The following ZMIZ2 variants were observed in gnomAD, a reference collection of about 807,000 sequenced individuals.
ZMIZ2 encodes zinc finger MIZ-type containing 2.
ZMIZ2 carries 26 observed loss-of-function variants against 93.9 expected under a neutral mutation model. The ratio of observed to expected loss-of-function variants is 0.28; its 90% CI spans 0.20 to 0.38. The LOEUF is 0.38. ZMIZ2 is among the 10% of genes least tolerant of loss of function. ZMIZ2 has a pLI of 1.00. For synonymous variants in ZMIZ2, 485 were observed against 516.4 expected (o/e 0.94, Z 0.82); for missense variants, 1,023 against 1,235.0 (o/e 0.83, Z 2.57).
Position 44,766,261 on chromosome 7 carries a change from C to A in ZMIZ2, c.2340C>A (p.Pro780=), listed in dbSNP as rs567025862. 1.2e-6 allele frequency: 2 copies of A among 1,600,030 alleles called. No homozygotes were observed. Among genetic ancestry groups the A allele is most frequent in the South Asian group, 2.3e-5 (2 of 88,660 alleles). Reference sequence around the variant, plus strand: ...CTGAGTTCACCCCGGGACCACCCCCCATCTCCTACCAGTCTGACATTCCCA... The same window carrying A: ...CTGAGTTCACCCCGGGACCACCCCCAATCTCCTACCAGTCTGACATTCCCA... The part of the protein sequence containing the change: ...TLAEFTPGPP[P]ISYQSDIPSS... The change falls in exon 17 of 19, where the codon CCC becomes CCA. Residue 780 remains proline (P), a synonymous_variant. Coordinates refer to ENST00000309315, the MANE Select transcript of ZMIZ2 (RefSeq NM_031449.4). The surrounding 1 kb of genome is among the most constrained non-coding windows in gnomAD (Gnocchi z 4.4).
chr7:44,759,186 C>T, intron 6 of ZMIZ2, 95 bp from the exon 7 acceptor site: 4 of 1,215,008 alleles, frequency 3.3e-6, no homozygotes, highest in Non-Finnish European at 4.4e-6. Context: ...AATCTCCATT[C>T]CCCGAACCCT....
At chr7:44,756,890 G>A in intron 3 of ZMIZ2, 57 bp from the exon 4 acceptor site, 1 of 1,601,958 alleles carries the variant, frequency 6.2e-7, no homozygotes, top group Admixed American at 1.8e-5. Context: ...CTTTGGAGCT[G>A]CTGCATGAAG....
In ZMIZ2 at chr7:44,761,245, A is replaced by C. The variant is rs975515533; in HGVS notation, c.1241-204A>C. Among the ~76,000 whole-genome samples the C allele has an allele frequency of 2.0e-5, 3 of 152,208 alleles. No individual in the cohort carries two copies. The highest frequency in any genetic ancestry group is 2.9e-5 in the Non-Finnish European group (2 of 68,028). On this transcript the variant is annotated intron_variant, in intron 9 of 18. Coordinates refer to ENST00000309315, the MANE Select transcript of ZMIZ2 (RefSeq NM_031449.4). This position sits in a 1 kb window ranked among gnomAD's most constrained non-coding sequence, Gnocchi z 5.8. ...GAGGCAAGACAGAACATCACGACCG[A>C]ATGCCCAGGCCTCAGGAGAGATGCT...
intron 8 of ZMIZ2, 70 bp from the exon 9 acceptor site, chr7:44,760,355 G>A (rs866321049): frequency 3.2e-6 from 5 of 1,584,580 alleles, no homozygotes; most frequent in Non-Finnish European, 3.4e-6. Context: ...CCCAGTGGGT[G>A]CGCCGTGAAC....
chr7:44,751,173 G>T (rs1790111830), intron 1 of ZMIZ2: 1 of 152,316 alleles, frequency 6.6e-6, no homozygotes, highest in African/African-American at 2.4e-5. Context: ...CCAGGCTCAT[G>T]TGACATAGGA....
intron 7 of ZMIZ2, chr7:44,759,806 G>A (rs1473399188): frequency 4.5e-6 from 2 of 445,572 alleles, no homozygotes; most frequent in Non-Finnish European, 8.0e-6. Context: ...TCTACTTGCT[G>A]CAGAGAAATC....
In ZMIZ2 at chr7:44,763,760, A is replaced by C. The variant is rs1261198438; in HGVS notation, c.1860+347A>C. ...TGCAGAAATACTCTGGGTATGAACA[A>C]GTAGATGCACAGCCCACTGTCTCTG... is the stretch of plus-strand genomic sequence containing the variant. On this transcript the variant is annotated intron_variant, in intron 13 of 18. Transcript: ENST00000309315. This position sits in a 1 kb window ranked among gnomAD's most constrained non-coding sequence, Gnocchi z 5.6. The C allele has an allele frequency of 3.7e-6, 1 of 267,152 alleles. No homozygotes were observed. The highest frequency in any genetic ancestry group is 4.9e-5 in the Admixed American group (1 of 20,512). The allele number at this position is 267,152 out of a possible 1,614,324, so 16.5% of individuals were successfully genotyped here. A position where few individuals can be genotyped will look rare whatever the true frequency, so the allele number is the denominator to read the frequency against.
rs761830985 is a variant in ZMIZ2 at position 44,760,565 on chromosome 7, C to T, written c.1212C>T (p.Asn404=). 1.4e-5 allele frequency: 22 copies of T among 1,613,984 alleles called. No individual in the cohort carries two copies. Among genetic ancestry groups the T allele is most frequent in the Non-Finnish European group, 1.8e-5 (21 of 1,180,010 alleles). ...KSPFLPDLKP[N]LNSLHSSPSG... Reference sequence around the variant, plus strand: ...CCTTCTTGCCTGATCTCAAGCCCAACCTCAACTCCTTGCACTCATCGCCCT... The same window carrying T: ...CCTTCTTGCCTGATCTCAAGCCCAATCTCAACTCCTTGCACTCATCGCCCT... Residue 404 remains asparagine (N), a synonymous_variant, in exon 9 of 19, where the codon AAC becomes AAT. Coordinates refer to ENST00000309315, the MANE Select transcript of ZMIZ2 (RefSeq NM_031449.4).
In ZMIZ2 at chr7:44,761,179, T is replaced by A. The variant is rs1791137213; in HGVS notation, c.1241-270T>A. ...TGTCTGGGCTGGGGACATGTTCCCC[T>A]ATTATGGTTTAGGGGACACTGGGCT... is the stretch of plus-strand genomic sequence containing the variant. On this transcript the variant is annotated intron_variant, in intron 9 of 18. Coordinates refer to ENST00000309315, the MANE Select transcript of ZMIZ2 (RefSeq NM_031449.4). This position sits in a 1 kb window ranked among gnomAD's most constrained non-coding sequence, Gnocchi z 5.8. Among the ~76,000 whole-genome samples, 1 of 152,214 alleles carries A rather than the reference T, an allele frequency of 6.6e-6. No homozygotes were observed. The highest frequency in any genetic ancestry group is 2.4e-5 in the African/African-American group (1 of 41,460).
chr7:44,763,112 G>A lies in ZMIZ2; in HGVS notation c.1702+126G>A. 7.0e-7 allele frequency: 1 copy of A among 1,429,532 alleles called. No homozygotes were observed. Among genetic ancestry groups the A allele is most frequent in the South Asian group, 1.3e-5 (1 of 78,436 alleles). 88.6% of individuals were successfully genotyped at this position (1,429,532 alleles called of 1,614,324 possible). ...GCCTTCTCCTTGGACAGGTGGCTCT[G>A]CAGTAGGGGCAGTGGTTAGTTCCAG... is the stretch of plus-strand genomic sequence containing the variant. On this transcript the variant is annotated intron_variant, in intron 12 of 18. Coordinates refer to ENST00000309315, the MANE Select transcript of ZMIZ2 (RefSeq NM_031449.4). This position sits in a 1 kb window ranked among gnomAD's most constrained non-coding sequence, Gnocchi z 5.6.
intron 6 of ZMIZ2, among the ~76,000 whole-genome samples, chr7:44,759,073 C>T (rs1169353684): frequency 7.9e-6 from 1 of 126,358 alleles, no homozygotes; most frequent in African/African-American, 3.2e-5. Context: ...CAGAGTGAGA[C>T]TGTCTCAAAT....
In ZMIZ2 at chr7:44,761,495, T is replaced by C. The variant is rs1329405799; in HGVS notation, c.1287T>C (p.Asp429=). 3 of 1,614,042 alleles carry C rather than the reference T, an allele frequency of 1.9e-6. No homozygotes were observed. Among genetic ancestry groups the C allele is most frequent in the Admixed American group, 3.3e-5 (2 of 60,028 alleles). The part of the protein sequence containing the change: ...DELRLTFPVR[D]GVVLEPFRLQ... ...TGCGGCTGACCTTCCCTGTGCGCGA[T>C]GGGGTGGTCCTGGAGCCCTTCCGCC... Residue 429 remains aspartate (D), a synonymous_variant, in exon 10 of 19, where the codon GAT becomes GAC. Coordinates refer to ENST00000309315, the MANE Select transcript of ZMIZ2 (RefSeq NM_031449.4). This position sits in a 1 kb window ranked among gnomAD's most constrained non-coding sequence, Gnocchi z 5.8.
chr7:44,769,384 G>A lies in ZMIZ2; in HGVS notation c.*1761G>A, dbSNP rs1791987842. ...AGGAGGAGGGAGGTATCTGGTGTGAGCGTTGCCCCTGCGACATTTGGGACC... is the reference window on the plus strand; with the variant it reads ...AGGAGGAGGGAGGTATCTGGTGTGAACGTTGCCCCTGCGACATTTGGGACC... On this transcript the variant is annotated 3_prime_UTR_variant, in exon 19 of 19. Transcript: ENST00000309315. 6.5e-6 allele frequency: 1 copy of A among 152,836 alleles called. No individual in the cohort carries two copies. The highest frequency in any genetic ancestry group is 6.5e-5 in the Admixed American group (1 of 15,286). 9.5% of individuals were successfully genotyped at this position (152,836 alleles called of 1,614,324 possible).
At position 44,758,017 on chromosome 7, in the gene ZMIZ2, A is replaced by G. The variant is rs1177879851; in HGVS notation, c.722A>G (p.Tyr241Cys). 3 of 1,611,826 alleles carry G rather than the reference A, an allele frequency of 1.9e-6. No individual in the cohort carries two copies. ...PTRAAGMTPL[Y>C]AGQRLPQHGY... is the part of the protein sequence containing the mutation. ...CGGGCAGCAGGAATGACACCCTTGTATGCAGGGCAGCGTCTGCCCCAACAT... is the reference window on the plus strand; with the variant it reads ...CGGGCAGCAGGAATGACACCCTTGTGTGCAGGGCAGCGTCTGCCCCAACAT... Residue 241 changes from tyrosine (Y) to cysteine (C), a missense_variant, in exon 6 of 19, where the codon TAT (tyrosine) becomes TGT (cysteine). Physicochemically the swap from Tyr to Cys is radical, Grantham distance 194. This residue lies in a region of ZMIZ2 where 656 missense variants were observed against 777.1 expected (regional missense o/e 0.84). Coordinates refer to ENST00000309315, the MANE Select transcript of ZMIZ2 (RefSeq NM_031449.4).
intron 1 of ZMIZ2, among the ~76,000 whole-genome samples, chr7:44,751,288 G>C (rs1434057485): frequency 6.6e-6 from 1 of 152,228 alleles, no homozygotes; most frequent in Non-Finnish European, 1.5e-5. Flanking sequence ...TCCTGGACCA[G>C]CAGCAGCAGT....
chr7:44,756,875 T>C, intron 3 of ZMIZ2, 72 bp from the exon 4 acceptor site: 1 of 1,585,706 alleles, frequency 6.3e-7, no homozygotes, highest in East Asian at 2.2e-5. Context: ...TGTTGGTTTC[T>C]AGCACTTTGG....
At chr7:44,756,167 C>T (rs1221169125) in intron 1 of ZMIZ2, 21 bp from the exon 2 acceptor site, 11 of 1,596,844 alleles carry the variant, frequency 6.9e-6, no homozygotes, top group Non-Finnish European at 8.6e-6. Flanking sequence ...CAGCTAACAT[C>T]CCTTCCTTCC....
chr7:44,761,931 G>C lies in ZMIZ2; in HGVS notation c.1596+26G>C, dbSNP rs1308795859. The C allele has an allele frequency of 1.3e-6, 2 of 1,594,566 alleles. No homozygotes were observed. The highest frequency in any genetic ancestry group is 4.5e-5 in the East Asian group (2 of 44,478). On this transcript the variant is annotated intron_variant, in intron 11 of 18. Transcript: ENST00000309315. The surrounding 1 kb of genome is among the most constrained non-coding windows in gnomAD (Gnocchi z 5.8). ...GTGCGTGTCCTGCGCCGAGGGGGCG[G>C]TGCTGTGGCGTGGGGCGGGGTGTGG...
At chr7:44,764,652 T>C (rs1013911627) in intron 14 of ZMIZ2, among the ~76,000 whole-genome samples, 166 bp downstream of exon 14, 1 of 152,204 alleles carries the variant, frequency 6.6e-6, no homozygotes, top group East Asian at 1.9e-4. Flanking sequence ...AGGGTGGCCT[T>C]ATGCAGGGTC....
Sources: allele counts gnomAD v4.1 joint callset (sites outside exome capture counted in the v4.1 genomes callset), GRCh38; gene constraint gnomAD v4.1.1; regional missense constraint gnomAD v4.1.1; non-coding constraint Gnocchi (gnomAD v3.1); transcripts MANE v1.5; gene names NCBI Gene and HGNC (gene_info 2026-07-23, HGNC 2026-07-21).